OSBPL6: variants seen among roughly 807,000 people sequenced by gnomAD.
OSBPL6 encodes the protein oxysterol-binding protein-related protein 6.
Under a neutral mutation model 125.8 loss-of-function variants are expected in OSBPL6, and 49 were observed. The ratio of observed to expected loss-of-function variants is 0.39; its 90% confidence interval spans 0.31 to 0.49. The LOEUF (loss-of-function observed/expected upper bound fraction) is 0.49, where lower values mean the gene tolerates loss of function less well. Ranked by LOEUF, OSBPL6 falls within the 20% of genes least tolerant of loss-of-function variation. OSBPL6 has a pLI of 0.88. For missense variants in OSBPL6, 986 were observed against 1,135.4 expected, an observed-to-expected ratio of 0.87 and a Z score of 1.89; for synonymous variants, 394 against 391.8, an observed-to-expected ratio of 1.01 and a Z score of -0.07.
rs895439503 is a variant in OSBPL6, at chr2:178,232,365, C to T, written c.-351+37691C>T. On this transcript the variant is annotated intron_variant, in intron 1 of 24. Transcript: ENST00000190611. ...GTAAACAAGTTTGGAAATTACTAATCCCAGAGACATAGGGCACCAAGGTTA... is the reference window on the plus strand; with the variant it reads ...GTAAACAAGTTTGGAAATTACTAATTCCAGAGACATAGGGCACCAAGGTTA... 2.0e-5 allele frequency among the ~76,000 whole-genome samples: 3 copies of T among 152,174 alleles called. No homozygotes were observed. In the South Asian group the frequency reaches 6.2e-4, roughly 32 times the overall value.
intron 1 of OSBPL6, among the ~76,000 whole-genome samples, chr2:178,203,781 A>T (rs988248581): frequency 2.0e-5 from 3 of 152,196 alleles, no homozygotes; most frequent in African/African-American, 7.2e-5. Context: ...GTGGGACCAG[A>T]TAGTGCTCAA....
At chr2:178,198,911 A>C (rs533809695) in intron 1 of OSBPL6, among the ~76,000 whole-genome samples, 4 of 152,212 alleles carry the variant, frequency 2.6e-5, no homozygotes, top group Non-Finnish European at 5.9e-5. Context: ...ATTGGATCTC[A>C]GTTTTTCAAG....
intron 12 of OSBPL6, among the ~76,000 whole-genome samples, chr2:178,353,865 G>C (rs947944391): frequency 3.9e-5 from 6 of 152,206 alleles, no homozygotes; most frequent in African/African-American, 1.4e-4. Flanking sequence ...TACCCACAAA[G>C]GGAAGCCCAT....
intron 2 of OSBPL6, among the ~76,000 whole-genome samples, chr2:178,294,233 G>A (rs1367900032): frequency 2.0e-5 from 3 of 152,036 alleles, no homozygotes; most frequent in Non-Finnish European, 4.4e-5. Context: ...TAAATGCACT[G>A]CATTGTTCCA....
chr2:178,330,976 C>T (rs1374318225), intron 5 of OSBPL6, among the ~76,000 whole-genome samples: 1 of 152,130 alleles, frequency 6.6e-6, no homozygotes, highest in Non-Finnish European at 1.5e-5. Context: ...TAATTTTCAA[C>T]CTCTTTGATT....
chr2:178,317,118 T>C (rs1179304841), intron 3 of OSBPL6, among the ~76,000 whole-genome samples: 1 of 152,108 alleles, frequency 6.6e-6, no homozygotes, highest in Non-Finnish European at 1.5e-5. Flanking sequence ...CTAAAGGTCA[T>C]ATTATATGAG....
In OSBPL6 at chr2:178,388,999, T is replaced by C; in HGVS notation, c.2157-10T>C. The C allele has an allele frequency of 6.2e-7, 1 of 1,613,028 alleles. No individual in the cohort carries two copies. Among genetic ancestry groups the C allele is most frequent in the Non-Finnish European group, 8.5e-7 (1 of 1,179,700 alleles). On this transcript the variant is annotated splice_polypyrimidine_tract_variant and intron_variant, in intron 20 of 24. Transcript: ENST00000190611. Reference sequence around the variant, plus strand: ...TGGTTGTTTTTCATCAGTGTTACATTCTTCACTAGGTATGGAGATTACTAT... The same window carrying C: ...TGGTTGTTTTTCATCAGTGTTACATCCTTCACTAGGTATGGAGATTACTAT...
At chr2:178,325,721 A>C (rs1327514729) in intron 4 of OSBPL6, among the ~76,000 whole-genome samples, 1 of 152,206 alleles carries the variant, frequency 6.6e-6, no homozygotes, top group South Asian at 2.1e-4. Flanking sequence ...ATTGAAGTAC[A>C]TATCAATATT....
At chr2:178,382,844 C>A in intron 16 of OSBPL6, 180 bp from the exon 17 acceptor site, 1 of 1,384,820 alleles carries the variant, frequency 7.2e-7, no homozygotes, top group Non-Finnish European at 9.5e-7. Context: ...AAACTATACA[C>A]TGTTGTTTTC....
At position 178,324,258 on chromosome 2, in the gene OSBPL6, C is replaced by T. The variant is rs1300068658; in HGVS notation, c.184C>T (p.Pro62Ser). The T allele has an allele frequency of 6.4e-7, 1 of 1,568,460 alleles. No homozygotes were observed. The highest frequency in any genetic ancestry group is 1.2e-5 in the South Asian group (1 of 85,570). Residue 62 changes from proline (P) to serine (S), a missense_variant, in exon 4 of 25, where the codon CCC becomes TCC. By Grantham distance (74) the Pro-to-Ser change is moderately conservative (BLOSUM62 -1). This residue lies in a region of OSBPL6 where 130 missense variants were observed against 106.4 expected (regional missense o/e 1.22). Coordinates refer to ENST00000190611, the MANE Select transcript of OSBPL6 (RefSeq NM_032523.4). ...SRQLLEPEPV[P>S]LSKEADSWEI... ...GCAATTGCTAGAACCGGAGCCAGTC[C>T]CCCTCTCCAAGGTCAGTGATGAAAT...
chr2:178,309,417 A>G (rs1033008816), intron 3 of OSBPL6, among the ~76,000 whole-genome samples: 2 of 152,128 alleles, frequency 1.3e-5, no homozygotes, highest in Non-Finnish European at 2.9e-5. Flanking sequence ...TTGTATTTTT[A>G]TTACAAATTT....
chr2:178,345,361 T>A (rs1229149918), intron 11 of OSBPL6, among the ~76,000 whole-genome samples: 2 of 152,208 alleles, frequency 1.3e-5, no homozygotes, highest in African/African-American at 2.4e-5. Context: ...TGAGGATGGG[T>A]GGCTTTCTAC....
At chr2:178,257,080 T>G (rs1365542612) in intron 1 of OSBPL6, among the ~76,000 whole-genome samples, 1 of 152,246 alleles carries the variant, frequency 6.6e-6, no homozygotes, top group African/African-American at 2.4e-5. Context: ...AATATCTAGC[T>G]TTCCAGTTTC....
chr2:178,388,160 A>T (rs2154117252), intron 20 of OSBPL6, among the ~76,000 whole-genome samples: 1 of 152,344 alleles, frequency 6.6e-6, no homozygotes, highest in East Asian at 1.9e-4. Flanking sequence ...ACAAACTTAA[A>T]TGTGATTTGA....
At chr2:178,287,888 A>G (rs1684854914) in intron 2 of OSBPL6, among the ~76,000 whole-genome samples, 1 of 151,942 alleles carries the variant, frequency 6.6e-6, no homozygotes, top group Non-Finnish European at 1.5e-5. Context: ...GACAACTAAG[A>G]CCGAAAAAAT....
In OSBPL6 at chr2:178,386,592, C is replaced by T. The variant is rs569834656; in HGVS notation, c.2078-469C>T. Among the ~76,000 whole-genome samples, 7 of 151,830 alleles carry T rather than the reference C, an allele frequency of 4.6e-5. No homozygotes were observed. The South Asian group carries it at 1.2e-3, about 27-fold the overall frequency. On this transcript the variant is annotated intron_variant, in intron 19 of 24. Transcript: ENST00000190611. ...CTATACTCCAATTATTTTTAGTGTA[C>T]ATCTTATGCTTGATATATTTGTTAA... is the stretch of plus-strand genomic sequence containing the variant.
intron 1 of OSBPL6, among the ~76,000 whole-genome samples, chr2:178,237,193 C>A (rs961705667): frequency 6.6e-6 from 1 of 152,182 alleles, no homozygotes; most frequent in African/African-American, 2.4e-5. Flanking sequence ...ATAATCCTTT[C>A]GTGTCCTTCT....
chr2:178,302,950 A>G (rs935603656), intron 2 of OSBPL6, among the ~76,000 whole-genome samples: 3 of 152,146 alleles, frequency 2.0e-5, no homozygotes, highest in Non-Finnish European at 4.4e-5. Flanking sequence ...TCACAAAAGT[A>G]CCTCCTTTTT....
intron 3 of OSBPL6, among the ~76,000 whole-genome samples, chr2:178,318,396 A>G (rs543791533): frequency 6.6e-6 from 1 of 152,138 alleles, no homozygotes; most frequent in Non-Finnish European, 1.5e-5. Context: ...ACTTTCATTC[A>G]TTTTAAGGGT....
Sources: allele counts gnomAD v4.1 joint callset (sites outside exome capture counted in the v4.1 genomes callset), GRCh38; gene constraint gnomAD v4.1.1; regional missense constraint gnomAD v4.1.1; transcripts MANE v1.5; gene names NCBI Gene and HGNC (gene_info 2026-07-23, HGNC 2026-07-21).